Variants in PTPRQ observed in about 807,000 individuals in gnomAD.
PTPRQ encodes phosphatidylinositol phosphatase PTPRQ.
A neutral mutation model predicts 246.0 loss-of-function variants in PTPRQ; 199 were observed. The observed-to-expected ratio is 0.81, with a 90% CI of 0.72 to 0.91. The LOEUF (loss-of-function observed/expected upper bound fraction) is 0.91. Among genes scored for constraint, PTPRQ ranks in the 40% least tolerant of loss-of-function variants. The pLI is 0.00. For synonymous variants in PTPRQ, 869 were observed against 853.2 expected, an observed-to-expected ratio of 1.02 and a Z score of -0.32; for missense variants, 2,624 against 2,528.4, an observed-to-expected ratio of 1.04 and a Z score of -0.81.
At chr12:80,669,862 T>C (rs1900912528) in intron 41 of PTPRQ, among the ~76,000 whole-genome samples, 1 of 152,098 alleles carries the variant, frequency 6.6e-6, no homozygotes, top group South Asian at 2.1e-4. Flanking sequence ...TGCAGCCAGA[T>C]AGAAAAGGTA....
intron 17 of PTPRQ, 49 bp downstream of exon 17, chr12:80,510,492 T>C: frequency 6.9e-7 from 1 of 1,459,428 alleles, no homozygotes; most frequent in Non-Finnish European, 9.2e-7. Context: ...TATTAATCTG[T>C]AACATAATAG....
chr12:80,453,251 C>G (rs1892838567), intron 3 of PTPRQ, among the ~76,000 whole-genome samples: 1 of 152,176 alleles, frequency 6.6e-6, no homozygotes, highest in Admixed American at 6.5e-5. Context: ...ATTCGTTATT[C>G]TAGTTATACA....
intron 1 of PTPRQ, 81 bp from the exon 2 acceptor site, chr12:80,444,660 T>G (rs73143190): frequency 9.7e-7 from 1 of 1,028,156 alleles, no homozygotes; most frequent in Non-Finnish European, 1.5e-6. Context: ...GAGTTAATTT[T>G]TGTTATAGTG....
intron 27 of PTPRQ, among the ~76,000 whole-genome samples, chr12:80,610,067 A>G (rs150134076): frequency 1.0e-3 from 153 of 150,622 alleles, no homozygotes; most frequent in African/African-American, 3.5e-3. Context: ...TACAGGAGCT[A>G]TAAGTGGCCA....
chr12:80,460,246 TA>T (rs1484495884), intron 5 of PTPRQ, among the ~76,000 whole-genome samples: 5 of 152,336 alleles, frequency 3.3e-5, no homozygotes, highest in Admixed American at 2.0e-4. Context: ...GCTAGTGGCA[TA>T]CTACTACTTT....
chr12:80,445,425 T>C (rs1443496229), intron 2 of PTPRQ, 66 bp from the exon 3 acceptor site: 14 of 965,510 alleles, frequency 1.5e-5, no homozygotes, highest in Admixed American at 5.4e-5. Flanking sequence ...AATACTGTTA[T>C]TATGTATTTT....
intron 35 of PTPRQ, among the ~76,000 whole-genome samples, chr12:80,643,216 T>G (rs768331770): frequency 3.3e-4 from 50 of 151,972 alleles, no homozygotes; most frequent in Non-Finnish European, 6.9e-4. Flanking sequence ...GGCGGGTAGA[T>G]CCCCTGAGGT....
At chr12:80,630,160 G>A (rs1046674895) in intron 33 of PTPRQ, among the ~76,000 whole-genome samples, 3 of 151,886 alleles carry the variant, frequency 2.0e-5, no homozygotes, top group Non-Finnish European at 4.4e-5. Flanking sequence ...TTTGAATCAG[G>A]ATCCAAATAG....
rs185931456 is a variant in PTPRQ, at chr12:80,534,547, A to G, written c.2840-345A>G. Reference sequence around the variant, plus strand: ...ATTTGTCTATGACTTTTATTATTCAATATAAAAATTCTAAGTTATATTAGA... The same window carrying G: ...ATTTGTCTATGACTTTTATTATTCAGTATAAAAATTCTAAGTTATATTAGA... On this transcript the variant is annotated intron_variant, in intron 18 of 44. Transcript: ENST00000644991. 1.3e-3 allele frequency among the ~76,000 whole-genome samples: 203 copies of G among 152,190 alleles called. 1 individual carries two copies. The highest frequency in any genetic ancestry group is 8.5e-3 in the South Asian group (41 of 4,830).
At chr12:80,499,790 G>C (rs905789627) in intron 14 of PTPRQ, among the ~76,000 whole-genome samples, 2 of 151,856 alleles carry the variant, frequency 1.3e-5, no homozygotes, top group Admixed American at 1.3e-4. Context: ...GTGTATCTCT[G>C]TGTGTGTTTG....
chr12:80,569,609 T>A (rs1445387600), intron 25 of PTPRQ, among the ~76,000 whole-genome samples: 1 of 151,936 alleles, frequency 6.6e-6, no homozygotes, highest in Non-Finnish European at 1.5e-5. Flanking sequence ...TTTTTTTAAT[T>A]TAAGTTCTGG....
At chr12:80,529,820 T>G (rs535284943) in intron 17 of PTPRQ, among the ~76,000 whole-genome samples, 76 of 152,178 alleles carry the variant, frequency 5.0e-4, no homozygotes, top group Non-Finnish European at 9.8e-4. Flanking sequence ...ATTAAATTTT[T>G]TTTTCATTTC....
intron 33 of PTPRQ, among the ~76,000 whole-genome samples, chr12:80,623,795 G>A (rs1286035916): frequency 6.6e-6 from 1 of 152,068 alleles, no homozygotes; most frequent in African/African-American, 2.4e-5. Context: ...TATCTGAGAG[G>A]CAAAGTTGAG....
chr12:80,461,989 C>T (rs553633301), intron 6 of PTPRQ: 3 of 677,212 alleles, frequency 4.4e-6, no homozygotes, highest in African/African-American at 2.0e-5. Context: ...GTTCGTCTCA[C>T]TAGGGAGTGC....
intron 26 of PTPRQ, among the ~76,000 whole-genome samples, chr12:80,598,305 GCGT>G (rs1260147443): frequency 6.6e-6 from 1 of 151,990 alleles, no homozygotes; most frequent in East Asian, 1.9e-4. Flanking sequence ...CAGTGGTGAT[GCGT>G]TTTGGTCAGC....
intron 17 of PTPRQ, among the ~76,000 whole-genome samples, chr12:80,526,414 G>C (rs922884612): frequency 2.6e-5 from 4 of 152,158 alleles, no homozygotes; most frequent in African/African-American, 9.7e-5. Flanking sequence ...ATAGAATTAT[G>C]TGGGTATAGA....
intron 8 of PTPRQ, among the ~76,000 whole-genome samples, chr12:80,481,316 A>C (rs550513838): frequency 7.3e-4 from 111 of 152,328 alleles, no homozygotes; most frequent in African/African-American, 2.1e-3. Context: ...CTTTGACAAA[A>C]TTCAACAATC....
intron 16 of PTPRQ, among the ~76,000 whole-genome samples, 196 bp from the exon 17 acceptor site, chr12:80,510,127 T>C (rs1895081112): frequency 6.6e-6 from 1 of 152,118 alleles, no homozygotes; most frequent in African/African-American, 2.4e-5. Context: ...CAGAAACAGA[T>C]GTTCTAATAC....
intron 9 of PTPRQ, 118 bp downstream of exon 9, chr12:80,484,723 T>A: frequency 8.0e-7 from 1 of 1,252,690 alleles, no homozygotes; most frequent in Non-Finnish European, 1.1e-6. Flanking sequence ...TAGTACAAAG[T>A]AAAGTAAATT....
Sources: gnomAD v4.1 joint callset for allele counts (sites outside exome capture counted in the v4.1 genomes callset) on GRCh38, gnomAD v4.1.1 for gene constraint, MANE v1.5 for transcripts, NCBI Gene and HGNC (gene_info 2026-07-23, HGNC 2026-07-21) for gene names.